Variants in NTRK1 observed in about 807,000 individuals in gnomAD.
The protein encoded by NTRK1 is neurotrophic receptor tyrosine kinase 1, also known as high affinity nerve growth factor receptor.
Under a neutral mutation model 86.8 loss-of-function variants are expected in NTRK1, and 62 were observed. That is an observed-to-expected ratio of 0.71 (90% CI 0.58 to 0.88). NTRK1 has a LOEUF of 0.88. Among genes scored for constraint, NTRK1 ranks in the 40% least tolerant of loss-of-function variants. The pLI is 0.00. For missense variants in NTRK1, 967 were observed against 1,078.4 expected (o/e 0.90, Z 1.45); for synonymous variants, 469 against 456.6 (o/e 1.03, Z -0.35).
rs572677619 is a variant in NTRK1 at position 156,854,191 on chromosome 1, C to T, written c.51-10163C>T. The T allele has an allele frequency of 4.3e-6, 7 of 1,614,126 alleles. No individual in the cohort carries two copies. The highest frequency in any genetic ancestry group is 1.3e-5 in the African/African-American group (1 of 75,070). ...GAGGGAAGCTGAGGCCGCGGAAGTC[C>T]TCCCCGGTGGCTGTGAACATGAGCA... is the stretch of plus-strand genomic sequence containing the variant. On this transcript the variant is annotated intron_variant, in intron 2 of 16. Transcript: ENST00000392302. This position sits in a 1 kb window ranked among gnomAD's most constrained non-coding sequence, Gnocchi z 4.2.
intron 8 of NTRK1, 67 bp downstream of exon 8, chr1:156,874,026 C>G (rs2102906876): frequency 6.8e-7 from 1 of 1,478,234 alleles, no homozygotes; most frequent in Non-Finnish European, 9.2e-7. Context: ...CAACTTCCTG[C>G]TATAGCCCTG....
At chr1:156,870,606 A>G (rs1647498271) in intron 6 of NTRK1, among the ~76,000 whole-genome samples, 1 of 152,114 alleles carries the variant, frequency 6.6e-6, no homozygotes, top group Non-Finnish European at 1.5e-5. Context: ...CTCTACTGGA[A>G]CCTTTGAACT....
chr1:156,874,001 C>T lies in NTRK1; in HGVS notation c.1177+42C>T, dbSNP rs1469215161. On this transcript the variant is annotated intron_variant, in intron 8 of 16. Coordinates refer to ENST00000524377, the MANE Select transcript of NTRK1 (RefSeq NM_002529.4). ...GAACCCTGCCCCCACTCCTGGGCTC[C>T]TCCTGGGTTACAGCCAACTTCCTGC... is the stretch of plus-strand genomic sequence containing the variant. The T allele has an allele frequency of 2.6e-6, 4 of 1,536,954 alleles. No homozygotes were observed. In the South Asian group the frequency reaches 4.8e-5, roughly 18 times the overall value.
rs35237064 is a variant in NTRK1, at chr1:156,850,534, CTTTTTTTTT to C, written c.50+8364_50+8372del. Among the ~76,000 whole-genome samples, 31 of 58,634 alleles carry C rather than the reference CTTTTTTTTT, an allele frequency of 5.3e-4. No individual in the cohort carries two copies. The East Asian group carries it at 0.014, about 27-fold the overall frequency. The allele number at this position is 58,634 out of a possible 152,430, so 38.5% of individuals were successfully genotyped here. A position where few individuals can be genotyped will look rare whatever the true frequency, so the allele number is the denominator to read the frequency against. On this transcript the variant is annotated intron_variant, in intron 2 of 16. Transcript: ENST00000392302. ...GACCTGGATGGTAATTTAAAACATT[CTTTTTTTTT>C]TTTTTTTTTTTTTTTTTTTTTTGAG...
intron 1 of NTRK1, among the ~76,000 whole-genome samples, chr1:156,861,877 A>G (rs144030890): frequency 1.1e-4 from 16 of 152,328 alleles, no homozygotes; most frequent in African/African-American, 3.6e-4. Context: ...AGCATTCTGC[A>G]GGACTCTGAC....
chr1:156,832,482 C>G (rs1313804811), intron 1 of NTRK1, among the ~76,000 whole-genome samples: 1 of 152,110 alleles, frequency 6.6e-6, no homozygotes, highest in Non-Finnish European at 1.5e-5. Context: ...AGAGAGGAGG[C>G]AGCAGTTGAA....
intron 1 of NTRK1, among the ~76,000 whole-genome samples, chr1:156,839,497 T>C (rs1654698401): frequency 6.6e-6 from 1 of 152,226 alleles, no homozygotes; most frequent in Non-Finnish European, 1.5e-5. Flanking sequence ...GAGCTGGCTC[T>C]CCTGTGCAAC....
At chr1:156,842,420 C>T (rs747555254) in intron 2 of NTRK1, 35 of 1,613,942 alleles carry the variant, frequency 2.2e-5, no homozygotes, top group South Asian at 4.4e-5. Flanking sequence ...CCGCAAAGAT[C>T]GAAGATGGCT....
rs1282531034 is a variant in NTRK1 at position 156,868,629 on chromosome 1, G to A, written c.699G>A (p.Glu233=). 2.6e-6 allele frequency: 4 copies of A among 1,550,884 alleles called. No homozygotes were observed. The highest frequency in any genetic ancestry group is 3.9e-5 in the Admixed American group (2 of 51,002). Residue 233 remains glutamate, a synonymous_variant, in exon 6 of 17, where the codon GAG becomes GAA. Coordinates refer to ENST00000524377, the MANE Select transcript of NTRK1 (RefSeq NM_002529.4). ...EQAGWILTEL[E]QSATVMKSGG... ...CCGGCTGGATCCTCACAGAGCTGGA[G>A]CAGTCAGCCACGGTGATGGTGAGAA...
intron 1 of NTRK1, among the ~76,000 whole-genome samples, chr1:156,828,639 G>A (rs1553257204): frequency 1.3e-5 from 2 of 152,242 alleles, no homozygotes; most frequent in Non-Finnish European, 2.9e-5. Context: ...AGGATGATGA[G>A]GAAGAAGGAG....
intron 1 of NTRK1, among the ~76,000 whole-genome samples, chr1:156,827,392 A>G (rs1654347457): frequency 1.3e-5 from 2 of 151,874 alleles, no homozygotes; most frequent in South Asian, 4.2e-4. Context: ...CCTCCCAAGT[A>G]GCTGGGATTA....
chr1:156,826,667 G>T (rs770402176), intron 1 of NTRK1, among the ~76,000 whole-genome samples: 10 of 152,166 alleles, frequency 6.6e-5, no homozygotes, highest in Non-Finnish European at 1.0e-4. Flanking sequence ...CAGAATCCAG[G>T]ATGTTTTTCT....
chr1:156,842,548 C>T lies in NTRK1; in HGVS notation c.50+355C>T, dbSNP rs569928845. 8.3e-6 allele frequency: 13 copies of T among 1,558,754 alleles called. No individual in the cohort carries two copies. In the Admixed American group the frequency reaches 1.5e-4, roughly 18 times the overall value. On this transcript the variant is annotated intron_variant, in intron 2 of 16. Coordinates refer to the NTRK1 transcript ENST00000392302. Reference sequence around the variant, plus strand: ...GGGCCTAGCAGACCCCCTAGTTCCCCTTGACCCATTTGGCCAAAATTCTGA... The same window carrying T: ...GGGCCTAGCAGACCCCCTAGTTCCCTTTGACCCATTTGGCCAAAATTCTGA...
chr1:156,869,483 G>A (rs1340409877), intron 6 of NTRK1, among the ~76,000 whole-genome samples: 1 of 152,108 alleles, frequency 6.6e-6, no homozygotes, highest in Non-Finnish European at 1.5e-5. Flanking sequence ...TTTTTCTGGA[G>A]ATTCTGGAAG....
Position 156,881,589 on chromosome 1 carries a change from C to T in NTRK1, c.2338C>T (p.Arg780Trp), listed in dbSNP as rs537948663. ...QRHSIKDVHA[R>W]LQALAQAPPV... ...CCACAGCATCAAGGATGTGCACGCC[C>T]GGCTGCAAGCCCTGGCCCAGGCACC... The change falls in exon 17 of 17, where the codon CGG becomes TGG. Residue 780 changes from arginine (R) to tryptophan (W), a missense_variant. This residue lies in a region of NTRK1 where 637 missense variants were observed against 776.5 expected (regional missense o/e 0.82). Coordinates refer to ENST00000524377, the MANE Select transcript of NTRK1 (RefSeq NM_002529.4). 2.9e-5 allele frequency: 47 copies of T among 1,611,324 alleles called. No homozygotes were observed. The highest frequency in any genetic ancestry group is 6.7e-5 in the African/African-American group (5 of 75,016).
upstream of NTRK1, chr1:156,860,782 G>C (rs1194498378): frequency 1.5e-6 from 2 of 1,313,938 alleles, no homozygotes; most frequent in Non-Finnish European, 1.9e-6. Context: ...GAGAAGAGGG[G>C]CAAGGCGGGG....
In NTRK1 at chr1:156,866,931, G is replaced by A. The variant is rs200417700; in HGVS notation, c.381G>A (p.Leu127=). Residue 127 remains leucine, a synonymous_variant, in exon 4 of 17, where the codon CTG becomes CTA. Transcript: ENST00000524377. ...GCAGGAATCTCTCCTTCAACGCTCT[G>A]GAGTCTCTCTCCTGGAAAACTGTGC... ...LSRLNLSFNA[L]ESLSWKTVQG... 1 of 1,614,230 alleles carries A rather than the reference G, an allele frequency of 6.2e-7. No homozygotes were observed. Among genetic ancestry groups the A allele is most frequent in the Admixed American group, 1.7e-5 (1 of 60,028 alleles).
chr1:156,852,061 AC>A lies in NTRK1; in HGVS notation c.50+9871del, dbSNP rs1224582866. ...CTGGCGGGCAGGCCCACAGGCAGGC[AC>A]CCTGGAAGTAGAGGTGGCGGCAAGC... On this transcript the variant is annotated intron_variant, in intron 2 of 16. Coordinates refer to the NTRK1 transcript ENST00000392302. 7 of 1,613,460 alleles carry A rather than the reference AC, an allele frequency of 4.3e-6. No homozygotes were observed. In the Admixed American group the frequency reaches 1.2e-4, roughly 27 times the overall value.
chr1:156,857,163 ATGTG>A (rs57324546), upstream of NTRK1, among the ~76,000 whole-genome samples: 8,328 of 130,360 alleles, frequency 0.064, 225 homozygotes, highest in Admixed American at 0.13. Flanking sequence ...GCAGCTGTGT[ATGTG>A]TGTGTGTGTG....
Sources: allele counts gnomAD v4.1 joint callset (sites outside exome capture counted in the v4.1 genomes callset), GRCh38; gene constraint gnomAD v4.1.1; regional missense constraint gnomAD v4.1.1; non-coding constraint Gnocchi (gnomAD v3.1); transcripts MANE v1.5; gene names NCBI Gene and HGNC (gene_info 2026-07-23, HGNC 2026-07-21).